The following KTN1 variants were observed in gnomAD, a reference collection of about 807,000 sequenced individuals.
KTN1 encodes kinectin.
KTN1 carries 130 observed loss-of-function variants against 222.5 expected under a neutral mutation model. That is an observed-to-expected ratio of 0.58 (90% confidence interval 0.51 to 0.68). The LOEUF (loss-of-function observed/expected upper bound fraction) is 0.68, where lower values mean the gene tolerates loss of function less well. Ranked by LOEUF, KTN1 falls within the 30% of genes least tolerant of loss-of-function variation. The pLI is 0.00. For missense variants in KTN1, 1,508 were observed against 1,500.4 expected (o/e 1.01, Z -0.08); for synonymous variants, 512 against 496.3 (o/e 1.03, Z -0.42).
chr14:55,637,078 G>A (rs1019805254), intron 10 of KTN1, 120 bp from the exon 11 acceptor site: 2 of 650,174 alleles, frequency 3.1e-6, no homozygotes, highest in Non-Finnish European at 5.1e-6. Flanking sequence ...GAGCATGCAA[G>A]AATGGAAGCA....
At chr14:55,679,510 T>A in intron 42 of KTN1, 55 bp from the exon 43 acceptor site, 3 of 1,458,464 alleles carry the variant, frequency 2.1e-6, no homozygotes, top group Non-Finnish European at 2.8e-6. Context: ...TTGTTTGGTT[T>A]TACATTTCTT....
chr14:55,589,164 A>T (rs577473975), intron 1 of KTN1, among the ~76,000 whole-genome samples: 1 of 152,204 alleles, frequency 6.6e-6, no homozygotes, highest in Non-Finnish European at 1.5e-5. Context: ...TGAAAGCCGA[A>T]TTTTTGTCTG....
intron 8 of KTN1, among the ~76,000 whole-genome samples, chr14:55,633,665 A>G (rs2040783978): frequency 6.6e-6 from 1 of 152,102 alleles, no homozygotes; most frequent in South Asian, 2.1e-4. Context: ...CACCAATGGA[A>G]TGGTCTACAA....
chr14:55,641,066 A>T, intron 16 of KTN1, 61 bp from the exon 17 acceptor site: 1 of 1,478,842 alleles, frequency 6.8e-7, no homozygotes, highest in South Asian at 1.2e-5. Flanking sequence ...AGTTGTGCCC[A>T]TAATTCTTGT....
chr14:55,584,417 A>G (rs571836384), intron 1 of KTN1, among the ~76,000 whole-genome samples: 1 of 152,186 alleles, frequency 6.6e-6, no homozygotes, highest in African/African-American at 2.4e-5. Flanking sequence ...AACACAATCA[A>G]TGAGGAAATT....
At chr14:55,588,358 C>T (rs2033450838) in intron 1 of KTN1, among the ~76,000 whole-genome samples, 1 of 152,120 alleles carries the variant, frequency 6.6e-6, no homozygotes, top group South Asian at 2.1e-4. Flanking sequence ...AGTCTAAGTA[C>T]ATATCAAGTA....
intron 30 of KTN1, 56 bp from the exon 31 acceptor site, chr14:55,659,608 ATG>A (rs2043892148): frequency 5.6e-5 from 56 of 1,005,546 alleles, no homozygotes; most frequent in Non-Finnish European, 8.7e-5. Context: ...AAAAGCTTCA[ATG>A]TTTTTAAGTC....
rs2031090623 is a variant in KTN1, at chr14:55,580,435, G to C, written c.-31+81G>C. ...AGGCGGCGCCGGCCGCGGGGTCCTG[G>C]GGCAGGCGGGAGGGCCGCGCCGGGC... On this transcript the variant is annotated intron_variant, in intron 1 of 43. Coordinates refer to ENST00000395314, the MANE Select transcript of KTN1 (RefSeq NM_001079521.2). 6 of 146,618 alleles carry C rather than the reference G, an allele frequency of 4.1e-5. No homozygotes were observed. In the South Asian group the frequency reaches 6.1e-4, roughly 15 times the overall value. 9.1% of individuals were successfully genotyped at this position (146,618 alleles called of 1,614,324 possible).
At chr14:55,595,996 T>C (rs139712223) in intron 1 of KTN1, among the ~76,000 whole-genome samples, 9,169 of 151,564 alleles carry the variant, frequency 0.06, 380 homozygotes, top group South Asian at 0.09. Context: ...CTACCAAAAA[T>C]ACAAAAAAAT....
chr14:55,585,386 C>A (rs2032770264), intron 1 of KTN1, among the ~76,000 whole-genome samples: 2 of 152,124 alleles, frequency 1.3e-5, no homozygotes, highest in African/African-American at 4.8e-5. Flanking sequence ...AGCAAGGAAT[C>A]AAAATATATG....
intron 29 of KTN1, 146 bp downstream of exon 29, chr14:55,656,278 T>A: frequency 1.6e-6 from 1 of 609,118 alleles, no homozygotes; most frequent in South Asian, 2.2e-5. Context: ...GCATGTTTTT[T>A]GAGTAAGTAC....
In KTN1 at chr14:55,667,319, C is replaced by T; in HGVS notation, c.3256C>T (p.Pro1086Ser). The part of the protein sequence containing the change: ...LKKLFPKVSV[P>S]SNLSYGEWLH... ...AAAATTATTTCCAAAGGTGTCTGTC[C>T]CTTCTAATTTGGTAAGACTAATTTA... The change falls in exon 34 of 44, where the codon CCT becomes TCT. Residue 1086 changes from proline to serine, a missense_variant. Coordinates refer to ENST00000395314, the MANE Select transcript of KTN1 (RefSeq NM_001079521.2). 6.3e-7 allele frequency: 1 copy of T among 1,582,824 alleles called. No individual in the cohort carries two copies. Among genetic ancestry groups the T allele is most frequent in the Non-Finnish European group, 8.6e-7 (1 of 1,158,766 alleles).
At chr14:55,661,650 A>G in intron 32 of KTN1, 38 bp downstream of exon 32, 1 of 1,114,100 alleles carries the variant, frequency 9.0e-7, no homozygotes, top group Non-Finnish European at 1.3e-6. Context: ...TTTTCTTTTT[A>G]TTACTTTAAC....
rs369432241 is a variant in KTN1, at chr14:55,581,442, G to GGTGTGT, written c.-31+1100_-31+1105dup. 4.0e-5 allele frequency among the ~76,000 whole-genome samples: 6 copies of GGTGTGT among 150,664 alleles called. No homozygotes were observed. In the South Asian group the frequency reaches 8.4e-4, roughly 21 times the overall value. On this transcript the variant is annotated intron_variant, in intron 1 of 43. Transcript: ENST00000395314. ...AGCTACGGTTGAAGTTAACTGTTAA[G>GGTGTGT]GTGTGTGTGTGTGTGTGAGTGTGTG...
At chr14:55,684,066 A>G (rs1270741934) in intron 43 of KTN1, 33 bp from the exon 44 acceptor site, 1 of 1,586,340 alleles carries the variant, frequency 6.3e-7, no homozygotes, top group African/African-American at 1.4e-5. Context: ...GCTTTGTTTT[A>G]AAGTGAAATT....
chr14:55,603,859 G>C (rs530016196), intron 1 of KTN1, among the ~76,000 whole-genome samples: 1 of 152,126 alleles, frequency 6.6e-6, no homozygotes, highest in African/African-American at 2.4e-5. Flanking sequence ...TTTTGGCCTA[G>C]TCTAAAAGCT....
intron 25 of KTN1, 147 bp from the exon 26 acceptor site, chr14:55,652,703 A>G (rs1184544070): frequency 3.5e-6 from 2 of 579,686 alleles, no homozygotes; most frequent in Non-Finnish European, 6.2e-6. Context: ...CTGGCCTTGT[A>G]TGCCTTTATA....
chr14:55,631,901 C>T (rs61976631), intron 7 of KTN1, among the ~76,000 whole-genome samples: 171 of 152,236 alleles, frequency 1.1e-3, no homozygotes, highest in Middle Eastern at 3.4e-3. Context: ...TTGTCATTTT[C>T]ATTCCGTCTT....
chr14:55,626,603 C>T (rs907974451), intron 5 of KTN1, among the ~76,000 whole-genome samples: 2 of 150,922 alleles, frequency 1.3e-5, no homozygotes, highest in African/African-American at 4.9e-5. Flanking sequence ...TGTTTTGTTT[C>T]ATTTTATTTA....
Sources: gnomAD v4.1 joint callset for allele counts (sites outside exome capture counted in the v4.1 genomes callset) on GRCh38, gnomAD v4.1.1 for gene constraint, MANE v1.5 for transcripts, NCBI Gene and HGNC (gene_info 2026-07-23, HGNC 2026-07-21) for gene names.